The following KIF21A variants were observed in gnomAD, a reference collection of about 807,000 sequenced individuals.
KIF21A encodes kinesin family member 21A.
Under a neutral mutation model 202.9 loss-of-function variants are expected in KIF21A, and 114 were observed. The observed-to-expected ratio is 0.56, with a 90% CI of 0.48 to 0.66. KIF21A has a LOEUF of 0.66. Ranked by LOEUF, KIF21A falls within the 30% of genes least tolerant of loss-of-function variation. KIF21A has a pLI of 0.00. For synonymous variants in KIF21A, 667 were observed against 670.8 expected (o/e 0.99, Z 0.09); for missense variants, 1,677 against 1,994.9 (o/e 0.84, Z 3.04).
Position 39,322,702 on chromosome 12 carries a change from G to C in KIF21A, c.3637C>G (p.Pro1213Ala). The C allele has an allele frequency of 6.2e-7, 1 of 1,614,112 alleles. No homozygotes were observed. Among genetic ancestry groups the C allele is most frequent in the Non-Finnish European group, 8.5e-7 (1 of 1,179,996 alleles). ...ATCTTAGAAGGTAAGCCAGGTGGGG[G>C]AGAGAGCTCTTTTTCCCTAGCAGAA... Reference protein sequence around the residue: ...GTSAREKELSPPPGLPSKIGS... With the variant: ...GTSAREKELSAPPGLPSKIGS... The change falls in exon 27 of 38, where the codon CCC becomes GCC. Residue 1213 changes from proline to alanine, a missense_variant. Physicochemically the swap from Pro to Ala is conservative, Grantham distance 27 (BLOSUM62 -1). This residue lies in a region of KIF21A where 705 missense variants were observed against 791.9 expected (regional missense o/e 0.89). Transcript: ENST00000361418.
At chr12:39,312,787 A>G (rs1353946032) in intron 31 of KIF21A, 2 of 151,976 alleles carry the variant, frequency 1.3e-5, no homozygotes, top group East Asian at 3.8e-4. Context: ...GATTATCAAA[A>G]CATTGTCCCT....
intron 15 of KIF21A, 44 bp downstream of exon 15, chr12:39,340,862 A>T: frequency 1.5e-6 from 2 of 1,363,482 alleles, no homozygotes; most frequent in Non-Finnish European, 2.1e-6. Context: ...ACCCATTTTG[A>T]AGATTTAGCT....
intron 1 of KIF21A, among the ~76,000 whole-genome samples, chr12:39,424,720 C>T (rs1404665544): frequency 1.3e-5 from 2 of 152,110 alleles, no homozygotes; most frequent in Admixed American, 6.5e-5. Flanking sequence ...ACCATTTGTA[C>T]TGTTATTTTT....
At chr12:39,380,063 G>A (rs1950518854) in intron 1 of KIF21A, among the ~76,000 whole-genome samples, 1 of 152,136 alleles carries the variant, frequency 6.6e-6, no homozygotes, top group East Asian at 1.9e-4. Flanking sequence ...CGCCTCCCAG[G>A]TTCAGGCAAT....
chr12:39,440,908 A>G (rs1037742886), intron 1 of KIF21A, among the ~76,000 whole-genome samples: 1 of 152,096 alleles, frequency 6.6e-6, no homozygotes, highest in African/African-American at 2.4e-5. Context: ...TCAGCTACTC[A>G]GCAGGCTGAG....
intron 1 of KIF21A, among the ~76,000 whole-genome samples, chr12:39,401,326 A>C (rs12231250): frequency 0.081 from 12,361 of 152,288 alleles, 638 homozygotes; most frequent in South Asian, 0.28. Context: ...CAGGAAAAAG[A>C]ACTTGTTTCC....
rs1185560152 is a variant in KIF21A at position 39,330,822 on chromosome 12, C to T, written c.3243G>A (p.Gln1081=). ...QTEITSATQN[Q]LLFHMLKEKA... is the part of the protein sequence containing the mutation. ...TCTCTTTCAACATATGGAATAAGAG[C>T]TGGTTTTGGGTAGCACTGGTTATTT... Residue 1081 remains glutamine, a synonymous_variant, in exon 23 of 38, where the codon CAG becomes CAA. Transcript: ENST00000361418. The T allele has an allele frequency of 1.2e-6, 2 of 1,613,768 alleles. No homozygotes were observed. The highest frequency in any genetic ancestry group is 4.5e-5 in the East Asian group (2 of 44,878).
chr12:39,393,650 C>G (rs1951530549), intron 1 of KIF21A, among the ~76,000 whole-genome samples: 1 of 152,126 alleles, frequency 6.6e-6, no homozygotes, highest in Admixed American at 6.5e-5. Context: ...CTAAGATAGT[C>G]AGTATTAAAC....
chr12:39,327,473 GA>G (rs763581499), intron 24 of KIF21A, among the ~76,000 whole-genome samples: 10 of 152,272 alleles, frequency 6.6e-5, no homozygotes, highest in Non-Finnish European at 1.2e-4. Context: ...CAGTAACATA[GA>G]AAATTATGTT....
chr12:39,342,745 A>T (rs376910710), intron 12 of KIF21A, among the ~76,000 whole-genome samples: 34 of 152,192 alleles, frequency 2.2e-4, no homozygotes, highest in African/African-American at 7.9e-4. Context: ...CATACCAAAA[A>T]CTGTCTAATG....
chr12:39,398,149 A>G (rs959923040), intron 1 of KIF21A, among the ~76,000 whole-genome samples: 2 of 152,250 alleles, frequency 1.3e-5, no homozygotes, highest in Non-Finnish European at 2.9e-5. Context: ...TATGCTAAAT[A>G]TGTACTTGAG....
intron 1 of KIF21A, among the ~76,000 whole-genome samples, chr12:39,414,845 T>C (rs1592634738): frequency 6.6e-6 from 1 of 152,178 alleles, no homozygotes; most frequent in Non-Finnish European, 1.5e-5. Flanking sequence ...GGGATCTAGA[T>C]ATTAATAACA....
At chr12:39,347,605 T>G (rs1181603826) in intron 11 of KIF21A, among the ~76,000 whole-genome samples, 1 of 152,082 alleles carries the variant, frequency 6.6e-6, no homozygotes, top group Non-Finnish European at 1.5e-5. Context: ...GATTCTTATT[T>G]ATTGGTCTGT....
chr12:39,357,306 C>T lies in KIF21A; in HGVS notation c.1347G>A (p.Leu449=). The change falls in exon 9 of 38, where the codon TTG becomes TTA. Residue 449 remains leucine (L), a synonymous_variant. Transcript: ENST00000361418. The part of the protein sequence containing the change: ...IKAMQETVDA[L]RSRITQLVSD... ...TAACAAGCTGTGTAATTCTGGACCT[C>T]AATGCATCAACCGTCTCTTGCATGG... 1 of 1,614,152 alleles carries T rather than the reference C, an allele frequency of 6.2e-7. No homozygotes were observed. Among genetic ancestry groups the T allele is most frequent in the Non-Finnish European group, 8.5e-7 (1 of 1,180,006 alleles).
At position 39,337,221 on chromosome 12, in the gene KIF21A, G is replaced by A; in HGVS notation, c.2311-18C>T. On this transcript the variant is annotated intron_variant, in intron 16 of 37. Transcript: ENST00000361418. ...AGGCGAACCTAACCAATTAGGTATAGACATCTATTGAAATTACTCTGTCAC... is the reference window on the plus strand; with the variant it reads ...AGGCGAACCTAACCAATTAGGTATAAACATCTATTGAAATTACTCTGTCAC... 1 of 1,450,046 alleles carries A rather than the reference G, an allele frequency of 6.9e-7. No individual in the cohort carries two copies. Among genetic ancestry groups the A allele is most frequent in the Non-Finnish European group, 9.7e-7 (1 of 1,032,928 alleles). 89.8% of individuals were successfully genotyped at this position (1,450,046 alleles called of 1,614,324 possible). A position where few individuals can be genotyped will look rare whatever the true frequency, so the allele number is the denominator to read the frequency against.
rs558839206 is a variant in KIF21A at position 39,307,823 on chromosome 12, C to G, written c.4278-94G>C. ...TTCCCAGGAAACTGGCTGTAGGCAA[C>G]AACAAGAACAGTGTCCTTTTGTCAC... On this transcript the variant is annotated intron_variant, in intron 33 of 37. Coordinates refer to ENST00000361418, the MANE Select transcript of KIF21A (RefSeq NM_001173464.2). The G allele has an allele frequency of 6.0e-6, 6 of 994,334 alleles. No individual in the cohort carries two copies. The Admixed American group carries it at 9.6e-5, about 16-fold the overall frequency. 61.6% of individuals were successfully genotyped at this position (994,334 alleles called of 1,614,324 possible). A position where few individuals can be genotyped will look rare whatever the true frequency, so the allele number is the denominator to read the frequency against.
intron 36 of KIF21A, 84 bp from the exon 37 acceptor site, chr12:39,301,763 TA>T: frequency 8.4e-7 from 1 of 1,189,996 alleles, no homozygotes; most frequent in Non-Finnish European, 1.3e-6. Flanking sequence ...AAAAACATTT[TA>T]TTGCCAAAAC....
intron 27 of KIF21A, 33 bp from the exon 28 acceptor site, chr12:39,320,046 T>C: frequency 1.5e-6 from 2 of 1,295,772 alleles, no homozygotes; most frequent in Non-Finnish European, 2.2e-6. Context: ...AATTACCTAA[T>C]TCTAAATTTG....
At chr12:39,409,272 C>A (rs1303977565) in intron 1 of KIF21A, among the ~76,000 whole-genome samples, 1 of 151,610 alleles carries the variant, frequency 6.6e-6, no homozygotes, top group Non-Finnish European at 1.5e-5. Context: ...GTAATCCCAG[C>A]ACCTTAGGAG....
Sources: allele counts gnomAD v4.1 joint callset (sites outside exome capture counted in the v4.1 genomes callset), GRCh38; gene constraint gnomAD v4.1.1; regional missense constraint gnomAD v4.1.1; transcripts MANE v1.5; gene names NCBI Gene and HGNC (gene_info 2026-07-23, HGNC 2026-07-21).